Variants in NRXN3 observed in about 807,000 individuals in gnomAD.
The protein encoded by NRXN3 is neurexin 3, also known as neurexin III.
NRXN3 carries 32 observed loss-of-function variants against 137.6 expected under a neutral mutation model. That is an observed-to-expected ratio of 0.23 (90% confidence interval 0.18 to 0.31). The LOEUF is 0.31. NRXN3 is among the 10% of genes least tolerant of loss of function. The pLI is 1.00. For missense variants in NRXN3, 1,574 were observed against 2,062.5 expected (o/e 0.76, Z 4.59); for synonymous variants, 798 against 784.5 (o/e 1.02, Z -0.29).
intron 10 of NRXN3, among the ~76,000 whole-genome samples, chr14:78,926,820 TTATATATA>T (rs1261930899): frequency 2.0e-5 from 1 of 49,544 alleles, no homozygotes; most frequent in Non-Finnish European, 3.3e-5. Context: ...ATATTATATA[TTATATATA>T]ATTTATATAA....
chr14:78,734,993 T>C (rs1468037303), intron 8 of NRXN3, among the ~76,000 whole-genome samples: 1 of 152,172 alleles, frequency 6.6e-6, no homozygotes. Context: ...AAAGGTCATC[T>C]TGGCTGTAGG....
At chr14:79,846,300 A>T (rs1480248416) in intron 20 of NRXN3, among the ~76,000 whole-genome samples, 1 of 152,224 alleles carries the variant, frequency 6.6e-6, no homozygotes, top group Admixed American at 6.5e-5. Context: ...ATATAAAAAT[A>T]ATTTGCTTTA....
intron 4 of NRXN3, among the ~76,000 whole-genome samples, chr14:78,624,315 C>T (rs1386102089): frequency 6.6e-6 from 1 of 152,232 alleles, no homozygotes; most frequent in East Asian, 1.9e-4. Flanking sequence ...GATTGAGCAA[C>T]AGCCCCTCCT....
In NRXN3 at chr14:79,863,994, A is replaced by C. The variant is rs890472096; in HGVS notation, c.*2030A>C. The C allele has an allele frequency of 2.2e-5, 3 of 139,494 alleles. No homozygotes were observed. The highest frequency in any genetic ancestry group is 4.9e-5 in the African/African-American group (2 of 40,954). 8.6% of individuals were successfully genotyped at this position (139,494 alleles called of 1,614,324 possible). A position where few individuals can be genotyped will look rare whatever the true frequency, so the allele number is the denominator to read the frequency against. ...TCATTATCTAATATTTCAATGTGTTAAGAGTTTAATTTTTTTGTTATCATT... is the reference window on the plus strand; with the variant it reads ...TCATTATCTAATATTTCAATGTGTTCAGAGTTTAATTTTTTTGTTATCATT... On this transcript the variant is annotated 3_prime_UTR_variant, in exon 21 of 21. Transcript: ENST00000335750.
intron 15 of NRXN3, among the ~76,000 whole-genome samples, chr14:79,288,688 AAC>A (rs2082679096): frequency 6.6e-6 from 1 of 152,198 alleles, no homozygotes; most frequent in Admixed American, 6.5e-5. Context: ...AGACTACACA[AAC>A]ACATCAAGCT....
intron 10 of NRXN3, among the ~76,000 whole-genome samples, chr14:78,885,198 A>G (rs1476654798): frequency 6.7e-6 from 1 of 148,892 alleles, no homozygotes; most frequent in African/African-American, 2.4e-5. Flanking sequence ...TAAATTATGT[A>G]TGTAAAATAT....
intron 15 of NRXN3, among the ~76,000 whole-genome samples, chr14:79,141,745 C>T (rs1331180061): frequency 1.3e-5 from 2 of 152,164 alleles, no homozygotes; most frequent in Non-Finnish European, 2.9e-5. Flanking sequence ...GGTTTTAAAC[C>T]TGTGCCTTGT....
chr14:78,716,060 AG>A (rs2098431481), intron 8 of NRXN3, among the ~76,000 whole-genome samples: 1 of 151,756 alleles, frequency 6.6e-6, no homozygotes, highest in Non-Finnish European at 1.5e-5. Flanking sequence ...TGGGGTGGGG[AG>A]GAGGGGCATG....
At chr14:79,692,711 CA>C (rs561689106) in intron 18 of NRXN3, among the ~76,000 whole-genome samples, 65 of 151,774 alleles carry the variant, frequency 4.3e-4, no homozygotes, top group African/African-American at 1.5e-3. Context: ...AACAAACAAA[CA>C]AAAAACCATA....
chr14:78,904,790 A>G (rs1037781089), intron 10 of NRXN3, among the ~76,000 whole-genome samples: 2 of 151,790 alleles, frequency 1.3e-5, no homozygotes, highest in Non-Finnish European at 2.9e-5. Context: ...TCTCTTTTCC[A>G]TAGTTCTCCT....
chr14:78,515,200 T>C (rs951336053), intron 4 of NRXN3, among the ~76,000 whole-genome samples: 5 of 151,990 alleles, frequency 3.3e-5, no homozygotes, highest in African/African-American at 4.8e-5. Flanking sequence ...AGGAGGGAAG[T>C]GAAGAATGTA....
At position 79,847,880 on chromosome 14, in the gene NRXN3, CT is replaced by C. The variant is rs72525147; in HGVS notation, c.4094-13448del. ...CCCACCTAAGAAACTGCCAGGAATT[CT>C]TTTTTTTTTTTTTCATTTTGTTTTA... is the stretch of plus-strand genomic sequence containing the variant. On this transcript the variant is annotated intron_variant, in intron 20 of 20. Transcript: ENST00000335750. Among the ~76,000 whole-genome samples, 1,328 of 137,796 alleles carry C rather than the reference CT, an allele frequency of 9.6e-3. 17 individuals are homozygous for C. Among genetic ancestry groups the C allele is most frequent in the East Asian group, 0.049 (234 of 4,734 alleles). 90.4% of individuals were successfully genotyped at this position (137,796 alleles called of 152,430 possible).
intron 17 of NRXN3, among the ~76,000 whole-genome samples, chr14:79,672,530 A>G (rs2098614731): frequency 6.6e-6 from 1 of 152,032 alleles, no homozygotes; most frequent in African/African-American, 2.4e-5. Flanking sequence ...ATCTCCCTCT[A>G]TGTGAGGCAT....
intron 15 of NRXN3, among the ~76,000 whole-genome samples, chr14:79,161,455 G>C (rs1805379634): frequency 6.6e-6 from 1 of 151,904 alleles, no homozygotes; most frequent in African/African-American, 2.4e-5. Flanking sequence ...CTCCAATGCA[G>C]ATCACTAGGC....
chr14:78,778,670 CTCTTT>C (rs769183868), intron 8 of NRXN3, among the ~76,000 whole-genome samples: 5 of 139,506 alleles, frequency 3.6e-5, no homozygotes, highest in South Asian at 2.5e-4. Context: ...CTTTTCTTTT[CTCTTT>C]TCTTTTCTTT....
chr14:78,493,483 T>C (rs2095708114), intron 4 of NRXN3, among the ~76,000 whole-genome samples: 1 of 151,288 alleles, frequency 6.6e-6, no homozygotes, highest in African/African-American at 2.4e-5. Flanking sequence ...AGATCGCGCC[T>C]TTGCACTCCA....
chr14:79,788,799 A>G (rs1160118982), intron 19 of NRXN3, among the ~76,000 whole-genome samples: 2 of 152,216 alleles, frequency 1.3e-5, no homozygotes, highest in Non-Finnish European at 2.9e-5. Context: ...TTGCGATGCT[A>G]AAGGGAGCAT....
At chr14:78,869,374 AT>A (rs904311290) in intron 10 of NRXN3, among the ~76,000 whole-genome samples, 3 of 152,096 alleles carry the variant, frequency 2.0e-5, no homozygotes, top group African/African-American at 7.2e-5. Context: ...TCTCAAAACC[AT>A]CATCCAGATT....
chr14:78,667,500 A>T (rs2097897058), intron 6 of NRXN3, among the ~76,000 whole-genome samples: 1 of 152,220 alleles, frequency 6.6e-6, no homozygotes, highest in East Asian at 1.9e-4. Context: ...AGTTACAGCA[A>T]TGCTGTATAT....
Sources: allele counts gnomAD v4.1 joint callset (sites outside exome capture counted in the v4.1 genomes callset), GRCh38; gene constraint gnomAD v4.1.1; transcripts MANE v1.5; gene names NCBI Gene and HGNC (gene_info 2026-07-23, HGNC 2026-07-21).